ADGRD1: variants seen among roughly 807,000 people sequenced by gnomAD.
ADGRD1 encodes the protein adhesion G protein-coupled receptor D1.
ADGRD1 carries 77 observed loss-of-function variants against 113.4 expected under a neutral mutation model. That is an observed-to-expected ratio of 0.68 (90% confidence interval 0.57 to 0.82). ADGRD1 has a LOEUF of 0.82. ADGRD1 is among the 40% of genes least tolerant of loss of function. ADGRD1 has a pLI of 0.00. For synonymous variants in ADGRD1, 474 were observed against 475.0 expected (o/e 1.00, Z 0.03); for missense variants, 1,036 against 1,139.1 (o/e 0.91, Z 1.30).
intron 18 of ADGRD1, among the ~76,000 whole-genome samples, chr12:131,117,061 C>CA (rs1950483907): frequency 6.6e-6 from 1 of 152,192 alleles, no homozygotes; most frequent in South Asian, 2.1e-4. Flanking sequence ...CATTAGCATA[C>CA]AAAACCTCTG....
chr12:131,066,946 C>T (rs899873466), intron 13 of ADGRD1, among the ~76,000 whole-genome samples: 1 of 152,134 alleles, frequency 6.6e-6, no homozygotes, highest in South Asian at 2.1e-4. Flanking sequence ...TGGGTGCCCC[C>T]GGAGGGTCTG....
chr12:131,036,654 C>T (rs1182136666), intron 13 of ADGRD1, among the ~76,000 whole-genome samples: 2 of 149,332 alleles, frequency 1.3e-5, no homozygotes, highest in Non-Finnish European at 3.0e-5. Flanking sequence ...GGGCCTCACT[C>T]ACTGCACGGG....
intron 21 of ADGRD1, among the ~76,000 whole-genome samples, chr12:131,133,336 C>T (rs1242956757): frequency 6.6e-6 from 1 of 152,200 alleles, no homozygotes; most frequent in African/African-American, 2.4e-5. Flanking sequence ...ACCTGTGCAC[C>T]GCCTTCCATC....
At chr12:130,955,343 G>A (rs1471436127) in intron 2 of ADGRD1, among the ~76,000 whole-genome samples, 3 of 151,732 alleles carry the variant, frequency 2.0e-5, no homozygotes, top group Non-Finnish European at 4.4e-5. Context: ...CAGCCTCAGA[G>A]TGCTGACCAG....
rs760176955 is a variant in ADGRD1, at chr12:131,075,945, C to T, written c.1474-856C>T. Among the ~76,000 whole-genome samples the T allele has an allele frequency of 5.3e-5, 8 of 152,148 alleles. No homozygotes were observed. Among genetic ancestry groups the T allele is most frequent in the African/African-American group, 1.9e-4 (8 of 41,412 alleles). On this transcript the variant is annotated intron_variant, in intron 13 of 24. Transcript: ENST00000261654. This position sits in a 1 kb window ranked among gnomAD's most constrained non-coding sequence, Gnocchi z 5.3. Reference sequence around the variant, plus strand: ...CCATCAGACACCATTTATCCCGGAGCCATGCCACCTCTGAGCAGCCCTGGG... The same window carrying T: ...CCATCAGACACCATTTATCCCGGAGTCATGCCACCTCTGAGCAGCCCTGGG...
chr12:131,086,339 A>G (rs1294783641), intron 15 of ADGRD1, among the ~76,000 whole-genome samples: 1 of 152,126 alleles, frequency 6.6e-6, no homozygotes, highest in Non-Finnish European at 1.5e-5. Context: ...CCATCCTGGG[A>G]GACTTTTCCT....
intron 20 of ADGRD1, among the ~76,000 whole-genome samples, chr12:131,125,116 T>A (rs540020132): frequency 6.6e-6 from 1 of 152,286 alleles, no homozygotes; most frequent in South Asian, 2.1e-4. Context: ...AAGCCAGTCA[T>A]TGGATTAAAG....
chr12:131,015,552 TTGGAGA>T (rs372980179), intron 13 of ADGRD1, among the ~76,000 whole-genome samples: 11 of 83,302 alleles, frequency 1.3e-4, no homozygotes, highest in Admixed American at 6.7e-4. Flanking sequence ...GGGACTGGAG[TTGGAGA>T]TGGAGATGGA....
intron 13 of ADGRD1, chr12:131,024,180 G>C (rs1001666517): frequency 1.3e-5 from 2 of 152,340 alleles, no homozygotes; most frequent in African/African-American, 4.8e-5. Flanking sequence ...CGGCAGAGCG[G>C]CCTGGGGGGA....
At chr12:131,086,707 G>A (rs573839647) in intron 15 of ADGRD1, among the ~76,000 whole-genome samples, 10 of 152,330 alleles carry the variant, frequency 6.6e-5, no homozygotes, top group Non-Finnish European at 1.3e-4. Flanking sequence ...GTGTGATCCC[G>A]GCCTCACTGG....
At chr12:130,968,867 G>A in intron 3 of ADGRD1, 3 of 663,982 alleles carry the variant, frequency 4.5e-6, no homozygotes, top group Middle Eastern at 2.4e-4. Flanking sequence ...GGGTGCTCTT[G>A]GATGAAAGAG....
chr12:131,048,176 T>C (rs1041770482), intron 13 of ADGRD1, among the ~76,000 whole-genome samples: 4 of 152,228 alleles, frequency 2.6e-5, no homozygotes, highest in African/African-American at 4.8e-5. Flanking sequence ...CTGGGGCTTA[T>C]GCACACAGTG....
Position 130,984,910 on chromosome 12 carries a change from ACTCTCTCT to A in ADGRD1, c.491-2181_491-2174del, listed in dbSNP as rs758265539. ...CTTTCTTCTCTTCTCTCTCTCTCTC[ACTCTCTCT>A]CTCCTCTCTTCTCTCTTTCTCTCTT... On this transcript the variant is annotated intron_variant, in intron 5 of 24. Coordinates refer to ENST00000261654, the MANE Select transcript of ADGRD1 (RefSeq NM_198827.5). This position sits in a 1 kb window ranked among gnomAD's most constrained non-coding sequence, Gnocchi z 4.1. 1.0e-5 allele frequency among the ~76,000 whole-genome samples: 1 copy of A among 98,268 alleles called. No homozygotes were observed. The highest frequency in any genetic ancestry group is 1.2e-4 in the Admixed American group (1 of 8,556). 64.5% of individuals were successfully genotyped at this position (98,268 alleles called of 152,430 possible). A position where few individuals can be genotyped will look rare whatever the true frequency, so the allele number is the denominator to read the frequency against.
At position 131,014,300 on chromosome 12, in the gene ADGRD1, C is replaced by T. The variant is rs372643228; in HGVS notation, c.1433C>T (p.Ser478Leu). ...SPPPTLSQNL[S>L]GSPLITVHLK... ...CCACCCACCCTGTCTCAGAACCTGT[C>T]GGGCTCTCCACTCATTACGGTCCAC... Residue 478 changes from serine to leucine, a missense_variant, in exon 13 of 25, where the codon TCG becomes TTG. Coordinates refer to ENST00000261654, the MANE Select transcript of ADGRD1 (RefSeq NM_198827.5). The T allele has an allele frequency of 1.9e-5, 31 of 1,614,062 alleles. No homozygotes were observed. In the Admixed American group the frequency reaches 2.2e-4, roughly 11 times the overall value.
intron 15 of ADGRD1, among the ~76,000 whole-genome samples, chr12:131,095,817 G>A (rs1887238682): frequency 6.6e-6 from 1 of 152,224 alleles, no homozygotes; most frequent in Admixed American, 6.5e-5. Flanking sequence ...GCCAGCCCCC[G>A]TGTTAGGAGT....
intron 13 of ADGRD1, among the ~76,000 whole-genome samples, chr12:131,076,365 G>C (rs923984175): frequency 7.9e-5 from 12 of 152,202 alleles, no homozygotes; most frequent in Non-Finnish European, 1.8e-4. Context: ...AATGGAGCTA[G>C]AGTGGGCAGG....
rs1198026254 is a variant in ADGRD1, at chr12:131,096,054, G to A, written c.1672-8777G>A. ...TCACGGCCACCATTCCTGCCTCCCG[G>A]CCCTGCCCAGAGCAGCGGCCTAGAC... On this transcript the variant is annotated intron_variant, in intron 15 of 24. Coordinates refer to ENST00000261654, the MANE Select transcript of ADGRD1 (RefSeq NM_198827.5). This position sits in a 1 kb window ranked among gnomAD's most constrained non-coding sequence, Gnocchi z 5.2. 7.3e-6 allele frequency among the ~76,000 whole-genome samples: 1 copy of A among 137,324 alleles called. No homozygotes were observed. The highest frequency in any genetic ancestry group is 1.6e-5 in the Non-Finnish European group (1 of 63,348). The allele number at this position is 137,324 out of a possible 152,430, so 90.1% of individuals were successfully genotyped here. A position where few individuals can be genotyped will look rare whatever the true frequency, so the allele number is the denominator to read the frequency against.
At chr12:131,001,291 C>T (rs1196240186) in intron 9 of ADGRD1, among the ~76,000 whole-genome samples, 3 of 152,092 alleles carry the variant, frequency 2.0e-5, no homozygotes, top group African/African-American at 7.2e-5. Context: ...CTGAAAATAA[C>T]TTGATTGTAC....
intron 15 of ADGRD1, among the ~76,000 whole-genome samples, chr12:131,102,331 C>T (rs1387320667): frequency 5.3e-5 from 8 of 152,198 alleles, no homozygotes; most frequent in Non-Finnish European, 8.8e-5. Context: ...GAGAATGCTG[C>T]GGTGGGAATG....
Sources: gnomAD v4.1 joint callset for allele counts (sites outside exome capture counted in the v4.1 genomes callset) on GRCh38, gnomAD v4.1.1 for gene constraint, Gnocchi (gnomAD v3.1) non-coding constraint, MANE v1.5 for transcripts, NCBI Gene and HGNC (gene_info 2026-07-23, HGNC 2026-07-21) for gene names.